The following DPY19L2 variants were observed in gnomAD, a reference collection of about 807,000 sequenced individuals.
DPY19L2 encodes the protein probable C-mannosyltransferase DPY19L2.
A neutral mutation model predicts 97.9 loss-of-function variants in DPY19L2; 34 were observed. That is an observed-to-expected ratio of 0.35 (90% CI 0.26 to 0.46). DPY19L2 has a LOEUF of 0.46. Among genes scored for constraint, DPY19L2 ranks in the 20% least tolerant of loss-of-function variants. The probability of loss-of-function intolerance (pLI) is 1.00; values close to 1 mark genes in which losing one functional copy is unlikely to be tolerated. For synonymous variants in DPY19L2, 230 were observed against 307.9 expected, an observed-to-expected ratio of 0.75 and a Z score of 2.65; for missense variants, 623 against 911.4, an observed-to-expected ratio of 0.68 and a Z score of 4.07.
chr12:63,634,951 A>C (rs1455763288), intron 6 of DPY19L2, among the ~76,000 whole-genome samples: 6 of 152,204 alleles, frequency 3.9e-5, no homozygotes, highest in Admixed American at 3.9e-4. Context: ...CCCAGCACGC[A>C]GCTGGAGATC....
At chr12:63,649,035 C>T (rs150447157) in intron 4 of DPY19L2, among the ~76,000 whole-genome samples, 1 of 152,082 alleles carries the variant, frequency 6.6e-6, no homozygotes, top group Non-Finnish European at 1.5e-5. Flanking sequence ...TCTCTCAAAA[C>T]CACATAATTA....
chr12:63,606,521 C>T (rs1038226207), intron 12 of DPY19L2, among the ~76,000 whole-genome samples: 11 of 152,004 alleles, frequency 7.2e-5, no homozygotes, highest in African/African-American at 2.4e-5. Context: ...TCTCTTAGTG[C>T]GATAATTTAC....
chr12:63,577,615 AG>A (rs1366833959), intron 19 of DPY19L2, among the ~76,000 whole-genome samples: 1 of 152,064 alleles, frequency 6.6e-6, no homozygotes, highest in African/African-American at 2.4e-5. Flanking sequence ...AATGGTCAAA[AG>A]ATCTGAATAG....
At chr12:63,591,462 A>C (rs1339802146) in intron 16 of DPY19L2, among the ~76,000 whole-genome samples, 2 of 152,194 alleles carry the variant, frequency 1.3e-5, no homozygotes, top group African/African-American at 4.8e-5. Flanking sequence ...CCCTGCATCG[A>C]AAATAAAAGT....
Position 63,668,292 on chromosome 12 carries a change from C to T in DPY19L2, c.102G>A (p.Glu34=), listed in dbSNP as rs780331097. Residue 34 remains glutamate, a synonymous_variant, in exon 1 of 22, where the codon GAG becomes GAA. Coordinates refer to ENST00000324472, the MANE Select transcript of DPY19L2 (RefSeq NM_173812.5). ...CTAGGGCCGACTTTTCCATCTCCTCCTCTACCTCCGGCTCCCGGGCGAGGG... is the reference window on the plus strand; with the variant it reads ...CTAGGGCCGACTTTTCCATCTCCTCTTCTACCTCCGGCTCCCGGGCGAGGG... ...GASLAREPEV[E]EEMEKSALGG... The T allele has an allele frequency of 1.9e-6, 3 of 1,613,974 alleles. No individual in the cohort carries two copies. The highest frequency in any genetic ancestry group is 2.2e-5 in the East Asian group (1 of 44,842).
chr12:63,580,724 C>T lies in DPY19L2; in HGVS notation c.1838G>A (p.Gly613Glu), dbSNP rs757130658. The change falls in exon 19 of 22, where the codon GGA becomes GAA. Residue 613 changes from glycine (G) to glutamate (E), a missense_variant. Physicochemically the swap from Gly to Glu is moderately conservative, Grantham distance 98. Coordinates refer to ENST00000324472, the MANE Select transcript of DPY19L2 (RefSeq NM_173812.5). ...ANLRNQWSII[G>E]EFNNLPQEEL... ...TTCCTGAGGCAAATTATTAAATTCT[C>T]CTATTATGCTCCATTGATTACGGAG... The T allele has an allele frequency of 7.4e-6, 12 of 1,613,394 alleles. No homozygotes were observed. The African/African-American group carries it at 8.0e-5, about 11-fold the overall frequency.
At chr12:63,595,724 C>A (rs1336698348) in intron 15 of DPY19L2, among the ~76,000 whole-genome samples, 1 of 152,078 alleles carries the variant, frequency 6.6e-6, no homozygotes, top group African/African-American at 2.4e-5. Context: ...GGTGTACCTA[C>A]AATGTTAATG....
chr12:63,589,065 T>G (rs1406179582), intron 16 of DPY19L2, among the ~76,000 whole-genome samples: 1 of 151,982 alleles, frequency 6.6e-6, no homozygotes, highest in Admixed American at 6.5e-5. Flanking sequence ...GGAAACTTTC[T>G]TAATGAAATA....
At position 63,600,404 on chromosome 12, in the gene DPY19L2, A is replaced by G. The variant is rs1316389997; in HGVS notation, c.1279-18T>C. The G allele has an allele frequency of 6.7e-7, 1 of 1,502,520 alleles. No homozygotes were observed. Among genetic ancestry groups the G allele is most frequent in the South Asian group, 1.1e-5 (1 of 87,900 alleles). The allele number at this position is 1,502,520 out of a possible 1,614,324, so 93.1% of individuals were successfully genotyped here. On this transcript the variant is annotated intron_variant, in intron 12 of 21. Coordinates refer to ENST00000324472, the MANE Select transcript of DPY19L2 (RefSeq NM_173812.5). Reference sequence around the variant, plus strand: ...TGAATTAGCTAGAAAATAAAATAGAAGTCCAGTATTTAAAACTACAAATCA... The same window carrying G: ...TGAATTAGCTAGAAAATAAAATAGAGGTCCAGTATTTAAAACTACAAATCA...
At chr12:63,591,994 G>C (rs1592472606) in intron 16 of DPY19L2, among the ~76,000 whole-genome samples, 2 of 22,438 alleles carry the variant, frequency 8.9e-5, no homozygotes, top group Non-Finnish European at 1.5e-4. Flanking sequence ...GGGAAGGGAA[G>C]GGAGGGGAAG....
chr12:63,651,549 TA>T (rs57923468), intron 4 of DPY19L2: 32 of 190,186 alleles, frequency 1.7e-4, no homozygotes, highest in South Asian at 3.1e-4. Flanking sequence ...AAATCGAAAG[TA>T]AAAAAAAACC....
At chr12:63,624,998 A>G (rs1889292084) in intron 7 of DPY19L2, among the ~76,000 whole-genome samples, 1 of 152,176 alleles carries the variant, frequency 6.6e-6, no homozygotes, top group South Asian at 2.1e-4. Flanking sequence ...ATGACAATGC[A>G]TTTGTTTGCT....
chr12:63,588,030 A>T (rs1882118840), intron 16 of DPY19L2, among the ~76,000 whole-genome samples: 1 of 152,204 alleles, frequency 6.6e-6, no homozygotes, highest in South Asian at 2.1e-4. Flanking sequence ...TATAACTTTA[A>T]ATGTATTTAC....
intron 4 of DPY19L2, among the ~76,000 whole-genome samples, chr12:63,657,440 T>A (rs1031746603): frequency 1.4e-4 from 22 of 152,226 alleles, no homozygotes; most frequent in African/African-American, 5.3e-4. Flanking sequence ...GAGTGACAGG[T>A]TTTCTGATAT....
intron 10 of DPY19L2, 131 bp downstream of exon 10, chr12:63,618,020 C>G: frequency 1.3e-6 from 1 of 777,192 alleles, no homozygotes; most frequent in South Asian, 2.1e-5. Flanking sequence ...AGTTTTCCTT[C>G]TGGATATCAC....
At chr12:63,617,030 T>C (rs1887950876) in intron 11 of DPY19L2, among the ~76,000 whole-genome samples, 1 of 152,176 alleles carries the variant, frequency 6.6e-6, no homozygotes, top group Admixed American at 6.5e-5. Flanking sequence ...AGAAAAGAAG[T>C]CATTTTTATC....
intron 4 of DPY19L2, among the ~76,000 whole-genome samples, chr12:63,654,257 ACAG>A (rs1168909625): frequency 4.6e-5 from 7 of 152,150 alleles, no homozygotes; most frequent in Non-Finnish European, 1.0e-4. Context: ...CAGTAAAATG[ACAG>A]CAGCAACAGA....
Position 63,620,358 on chromosome 12 carries a change from C to T in DPY19L2, c.1053+880G>A, listed in dbSNP as rs547774176. 1.7e-5 allele frequency: 3 copies of T among 177,238 alleles called. No individual in the cohort carries two copies. The South Asian group carries it at 3.6e-4, about 21-fold the overall frequency. The allele number at this position is 177,238 out of a possible 1,614,324, so 11.0% of individuals were successfully genotyped here. On this transcript the variant is annotated intron_variant, in intron 9 of 21. Transcript: ENST00000324472. ...ACATTCAGCTGAATTAGAAGCAGAA[C>T]GTCCTGCTGTGAAGAGCAGGATTGG...
intron 20 of DPY19L2, among the ~76,000 whole-genome samples, chr12:63,570,237 C>T (rs1878538277): frequency 6.6e-6 from 1 of 152,176 alleles, no homozygotes; most frequent in Admixed American, 6.5e-5. Context: ...CTAGAGTTCT[C>T]ATAATCGACT....
Sources: gnomAD v4.1 joint callset for allele counts (sites outside exome capture counted in the v4.1 genomes callset) on GRCh38, gnomAD v4.1.1 for gene constraint, MANE v1.5 for transcripts, NCBI Gene and HGNC (gene_info 2026-07-23, HGNC 2026-07-21) for gene names.